The following DLG2 variants were observed in gnomAD, a reference collection of about 807,000 sequenced individuals.
DLG2 encodes disks large homolog 2.
A neutral mutation model predicts 132.5 loss-of-function variants in DLG2; 45 were observed. The observed-to-expected ratio is 0.34, with a 90% CI of 0.27 to 0.44. DLG2 has a LOEUF of 0.44. Among genes scored for constraint, DLG2 ranks in the 20% least tolerant of loss-of-function variants. The pLI is 1.00. For missense variants in DLG2, 1,045 were observed against 1,196.9 expected, an observed-to-expected ratio of 0.87 and a Z score of 1.87; for synonymous variants, 424 against 419.6, an observed-to-expected ratio of 1.01 and a Z score of -0.13.
chr11:83,501,697 G>T (rs1482540214), intron 21 of DLG2, among the ~76,000 whole-genome samples: 2 of 151,934 alleles, frequency 1.3e-5, no homozygotes, highest in Non-Finnish European at 2.9e-5. Flanking sequence ...GTATTATTTT[G>T]TTCCTGTGAT....
chr11:84,307,363 G>T (rs1468758925), intron 7 of DLG2, among the ~76,000 whole-genome samples: 2 of 152,172 alleles, frequency 1.3e-5, no homozygotes, highest in Non-Finnish European at 2.9e-5. Flanking sequence ...ATGGTGAGAA[G>T]AAGGTGAGGA....
At chr11:83,781,086 T>A (rs1341135966) in intron 18 of DLG2, among the ~76,000 whole-genome samples, 1 of 152,226 alleles carries the variant, frequency 6.6e-6, no homozygotes, top group Non-Finnish European at 1.5e-5. Context: ...TTTTGGTCTG[T>A]AGACAACATT....
chr11:84,514,176 A>T lies in DLG2; in HGVS notation c.519+20394T>A, dbSNP rs189345525. Among the ~76,000 whole-genome samples, 436 of 152,252 alleles carry T rather than the reference A, an allele frequency of 2.9e-3. 2 individuals are homozygous for T. The highest frequency in any genetic ancestry group is 0.01 in the African/African-American group (428 of 41,548). ...ACTCAAGTTAAAATGGCTTTTATCC[A>T]AAAGTCAGGTAATAACGAATGCTGG... On this transcript the variant is annotated intron_variant, in intron 7 of 27. Coordinates refer to ENST00000376104, the MANE Select transcript of DLG2 (RefSeq NM_001142699.3).
intron 2 of DLG2, among the ~76,000 whole-genome samples, chr11:85,622,817 T>C (rs2081812836): frequency 6.6e-6 from 1 of 152,152 alleles, no homozygotes; most frequent in Admixed American, 6.5e-5. Flanking sequence ...CCCAGCACTT[T>C]GGGAGGCCAA....
At chr11:85,023,960 C>T (rs1429287500) in intron 6 of DLG2, among the ~76,000 whole-genome samples, 4 of 152,104 alleles carry the variant, frequency 2.6e-5, no homozygotes, top group Non-Finnish European at 5.9e-5. Context: ...AGCTTCGCCA[C>T]TCATACCCTT....
At chr11:84,563,342 G>T (rs948142) in intron 6 of DLG2, among the ~76,000 whole-genome samples, 55,089 of 152,052 alleles carry the variant, frequency 0.36, 11,035 homozygotes, top group African/African-American at 0.52. Flanking sequence ...GATTTATGTT[G>T]TTTATGTTTA....
At chr11:85,363,858 C>A (rs1275802500) in intron 3 of DLG2, among the ~76,000 whole-genome samples, 1 of 152,152 alleles carries the variant, frequency 6.6e-6, no homozygotes, top group African/African-American at 2.4e-5. Flanking sequence ...TCTTCCCATG[C>A]AATGCAGGGA....
intron 11 of DLG2, among the ~76,000 whole-genome samples, chr11:84,035,896 A>G (rs1346116628): frequency 6.6e-6 from 1 of 152,164 alleles, no homozygotes; most frequent in Non-Finnish European, 1.5e-5. Context: ...TCAGAAAGAG[A>G]AATCCGGGAT....
At chr11:84,684,497 C>T (rs918720156) in intron 6 of DLG2, among the ~76,000 whole-genome samples, 2 of 152,130 alleles carry the variant, frequency 1.3e-5, no homozygotes, top group Non-Finnish European at 2.9e-5. Flanking sequence ...GATGGGCTAC[C>T]TATGAAAGCA....
intron 3 of DLG2, among the ~76,000 whole-genome samples, chr11:85,316,938 T>C (rs1405464157): frequency 3.0e-5 from 3 of 100,542 alleles, no homozygotes; most frequent in Non-Finnish European, 6.6e-5. Flanking sequence ...AAATCAAAAC[T>C]GTAGTAAAAG....
chr11:84,568,687 G>A (rs547919195), intron 6 of DLG2, among the ~76,000 whole-genome samples: 85 of 152,244 alleles, frequency 5.6e-4, no homozygotes, highest in South Asian at 1.0e-3. Flanking sequence ...CCATAGTTGT[G>A]CATTCCAGAG....
intron 3 of DLG2, among the ~76,000 whole-genome samples, chr11:85,568,733 A>C (rs1053676940): frequency 6.6e-6 from 1 of 152,014 alleles, no homozygotes; most frequent in Non-Finnish European, 1.5e-5. Context: ...TATAATCCTT[A>C]TTTCTGTAAG....
chr11:84,658,888 G>A lies in DLG2; in HGVS notation c.358-124157C>T, dbSNP rs35651202. 7.3e-3 allele frequency among the ~76,000 whole-genome samples: 1,115 copies of A among 152,206 alleles called. 12 individuals are homozygous for A. Among genetic ancestry groups the A allele is most frequent in the Non-Finnish European group, 0.013 (902 of 68,008 alleles). On this transcript the variant is annotated intron_variant, in intron 6 of 27. Transcript: ENST00000376104. ...ATATTCCTTTATAGCAATGCACACTGGACTAACACAGCTCCCTAACCTCTT... is the reference window on the plus strand; with the variant it reads ...ATATTCCTTTATAGCAATGCACACTAGACTAACACAGCTCCCTAACCTCTT...
At chr11:85,557,194 C>T (rs1257448709) in intron 3 of DLG2, among the ~76,000 whole-genome samples, 2 of 151,724 alleles carry the variant, frequency 1.3e-5, no homozygotes, top group African/African-American at 2.4e-5. Context: ...AACTCATTCC[C>T]CTTTACAATA....
rs905584860 is a variant in DLG2, at chr11:83,887,369, G to A, written c.1497-12881C>T. Among the ~76,000 whole-genome samples, 33 of 151,816 alleles carry A rather than the reference G, an allele frequency of 2.2e-4. 1 individual carries two copies. The South Asian group carries it at 6.3e-3, about 29-fold the overall frequency. The stretch of plus-strand genomic sequence containing the variant: ...TCTAGAAGAAATGGATAAATTCCTC[G>A]ACACATACACCCTCCCAAGACTAAA... On this transcript the variant is annotated intron_variant, in intron 15 of 27. Coordinates refer to ENST00000376104, the MANE Select transcript of DLG2 (RefSeq NM_001142699.3).
At chr11:84,184,419 GTTT>G (rs546815331) in intron 8 of DLG2, among the ~76,000 whole-genome samples, 4 of 150,860 alleles carry the variant, frequency 2.7e-5, no homozygotes, top group Non-Finnish European at 4.4e-5. Context: ...TTTTTGATGA[GTTT>G]TTTTTTCTTG....
chr11:83,519,305 T>C (rs959560575), intron 21 of DLG2, among the ~76,000 whole-genome samples: 8 of 152,236 alleles, frequency 5.3e-5, no homozygotes, highest in African/African-American at 1.9e-4. Flanking sequence ...TGGAAGAAGA[T>C]TTAGTTTTAC....
intron 19 of DLG2, among the ~76,000 whole-genome samples, chr11:83,595,294 C>A (rs551886399): frequency 6.6e-6 from 1 of 152,140 alleles, no homozygotes; most frequent in Non-Finnish European, 1.5e-5. Context: ...TGTATTAAGT[C>A]TTTTCTCTTA....
chr11:84,284,771 T>C (rs2097891507), intron 7 of DLG2, among the ~76,000 whole-genome samples: 1 of 152,220 alleles, frequency 6.6e-6, no homozygotes, highest in African/African-American at 2.4e-5. Flanking sequence ...AACTCAACTG[T>C]AGGGCAGTAT....
Sources: gnomAD v4.1 joint callset for allele counts (sites outside exome capture counted in the v4.1 genomes callset) on GRCh38, gnomAD v4.1.1 for gene constraint, MANE v1.5 for transcripts, NCBI Gene and HGNC (gene_info 2026-07-23, HGNC 2026-07-21) for gene names.